Variants in NR3C2 observed in about 807,000 individuals in gnomAD.
NR3C2 encodes the protein nuclear receptor subfamily 3 group C member 2.
In NR3C2, 15 loss-of-function variants were observed where a neutral mutation model predicts 86.4. The observed-to-expected ratio is 0.17, with a 90% CI of 0.12 to 0.27. NR3C2 has a LOEUF of 0.27. Ranked by LOEUF, NR3C2 falls within the 10% of genes least tolerant of loss-of-function variation. The pLI is 1.00. For synonymous variants in NR3C2, 458 were observed against 450.5 expected, an observed-to-expected ratio of 1.02 and a Z score of -0.21; for missense variants, 960 against 1,195.6, an observed-to-expected ratio of 0.80 and a Z score of 2.91.
intron 2 of NR3C2, among the ~76,000 whole-genome samples, chr4:148,301,974 T>C (rs1009131495): frequency 1.3e-5 from 2 of 152,242 alleles, no homozygotes; most frequent in Non-Finnish European, 2.9e-5. Flanking sequence ...TGTCTGAGTA[T>C]ATGCTATCAA....
At chr4:148,129,376 T>A (rs1474056099) in intron 6 of NR3C2, among the ~76,000 whole-genome samples, 1 of 152,168 alleles carries the variant, frequency 6.6e-6, no homozygotes. Context: ...TAGGTGGGAA[T>A]GCAGAATTAG....
upstream of NR3C2, chr4:148,442,797 AC>A (rs1262298828): frequency 1.0e-6 from 1 of 985,040 alleles, no homozygotes; most frequent in Non-Finnish European, 1.2e-6. Context: ...CGCTGCCCCC[AC>A]CCCCATCGCT....
chr4:148,127,208 C>A (rs931205667), intron 6 of NR3C2, among the ~76,000 whole-genome samples: 1 of 152,144 alleles, frequency 6.6e-6, no homozygotes, highest in Non-Finnish European at 1.5e-5. Flanking sequence ...TATATCACAT[C>A]ATTTTTGCAC....
intron 8 of NR3C2, among the ~76,000 whole-genome samples, chr4:148,081,812 A>G (rs184634437): frequency 9.8e-5 from 15 of 152,332 alleles, no homozygotes; most frequent in African/African-American, 3.1e-4. Flanking sequence ...CACTCATCAA[A>G]TTCTAATTTC....
chr4:148,315,348 C>G (rs1743115800), intron 2 of NR3C2, among the ~76,000 whole-genome samples: 1 of 152,136 alleles, frequency 6.6e-6, no homozygotes, highest in South Asian at 2.1e-4. Flanking sequence ...CTCCAAGGTA[C>G]TATGTTAAGT....
chr4:148,191,889 T>TC (rs1457168165), intron 4 of NR3C2, among the ~76,000 whole-genome samples: 2 of 152,202 alleles, frequency 1.3e-5, no homozygotes, highest in African/African-American at 4.8e-5. Flanking sequence ...TCCCTTCACT[T>TC]CTTTTATCAT....
At chr4:148,366,603 A>T (rs1237983532) in intron 2 of NR3C2, among the ~76,000 whole-genome samples, 1 of 145,052 alleles carries the variant, frequency 6.9e-6, no homozygotes. Context: ...ATAAATTCAC[A>T]CAAAATGAAA....
At position 148,154,636 on chromosome 4, in the gene NR3C2, A is replaced by G; in HGVS notation, c.2280T>C (p.Asp760=). The G allele has an allele frequency of 6.2e-7, 1 of 1,614,168 alleles. No homozygotes were observed. The highest frequency in any genetic ancestry group is 8.5e-7 in the Non-Finnish European group (1 of 1,180,032). ...VYAGYDSSKP[D]TAENLLSTLN... ...GCGTGGAGAGCAGATTTTCGGCTGT[A>G]TCTGGTTTTGAGCTGTCATAGCCTG... is the stretch of plus-strand genomic sequence containing the variant. Residue 760 remains aspartate, a synonymous_variant, in exon 5 of 9, where the codon GAT becomes GAC. Coordinates refer to ENST00000358102, the MANE Select transcript of NR3C2 (RefSeq NM_000901.5).
At chr4:148,200,318 T>C (rs1431176860) in intron 3 of NR3C2, among the ~76,000 whole-genome samples, 1 of 152,144 alleles carries the variant, frequency 6.6e-6, no homozygotes, top group Non-Finnish European at 1.5e-5. Flanking sequence ...CTTCAATCCC[T>C]CCTTGTTCAC....
intron 2 of NR3C2, among the ~76,000 whole-genome samples, chr4:148,360,169 T>C (rs1422686857): frequency 6.6e-6 from 1 of 152,238 alleles, no homozygotes; most frequent in Non-Finnish European, 1.5e-5. Context: ...ACATTGCTCA[T>C]CTGCCCCTAC....
At chr4:148,343,943 G>C (rs1744870466) in intron 2 of NR3C2, among the ~76,000 whole-genome samples, 1 of 152,074 alleles carries the variant, frequency 6.6e-6, no homozygotes, top group Admixed American at 6.6e-5. Context: ...ATTACTGTTT[G>C]TTGACTCTCG....
At chr4:148,112,586 A>G (rs949253870) in intron 8 of NR3C2, among the ~76,000 whole-genome samples, 1 of 152,192 alleles carries the variant, frequency 6.6e-6, no homozygotes, top group Admixed American at 6.5e-5. Flanking sequence ...CTTATTTCTA[A>G]GATTTTCCAC....
intron 2 of NR3C2, among the ~76,000 whole-genome samples, chr4:148,269,055 T>C (rs923341423): frequency 1.3e-5 from 2 of 152,192 alleles, no homozygotes; most frequent in Non-Finnish European, 2.9e-5. Context: ...AAGGACTCCA[T>C]GTTCTGTTTG....
upstream of NR3C2, chr4:148,444,312 T>C (rs1750490831): frequency 1.0e-6 from 1 of 985,444 alleles, no homozygotes. Context: ...GTTAGAACCG[T>C]GCAGGGGCAG....
rs1730431727 is a variant in NR3C2 at position 148,079,268 on chromosome 4, G to GTAT, written c.*2073_*2075dup. The GTAT allele has an allele frequency of 2.0e-5, 3 of 152,214 alleles. No individual in the cohort carries two copies. Among genetic ancestry groups the GTAT allele is most frequent in the African/African-American group, 4.8e-5 (2 of 41,454 alleles). 9.4% of individuals were successfully genotyped at this position (152,214 alleles called of 1,614,324 possible). On this transcript the variant is annotated 3_prime_UTR_variant, in exon 9 of 9. Coordinates refer to ENST00000358102, the MANE Select transcript of NR3C2 (RefSeq NM_000901.5). ...TATTACTGTGCACCGTAAGTTGACTGTATTTAAAGATCTGCCTATAAATTA... is the reference window on the plus strand; with the variant it reads ...TATTACTGTGCACCGTAAGTTGACTGTATTATTTAAAGATCTGCCTATAAATTA...
intron 4 of NR3C2, among the ~76,000 whole-genome samples, chr4:148,167,582 A>C (rs72653830): frequency 6.6e-6 from 1 of 152,196 alleles, no homozygotes; most frequent in Non-Finnish European, 1.5e-5. Flanking sequence ...TCGTTTGTTC[A>C]GTTTCTGAAG....
At chr4:148,302,609 T>A (rs1220941627) in intron 2 of NR3C2, among the ~76,000 whole-genome samples, 2 of 152,170 alleles carry the variant, frequency 1.3e-5, no homozygotes, top group Non-Finnish European at 2.9e-5. Context: ...TGCTTCCCTT[T>A]AAGGAATCAA....
At chr4:148,297,749 C>T (rs1382869019) in intron 2 of NR3C2, among the ~76,000 whole-genome samples, 1 of 151,966 alleles carries the variant, frequency 6.6e-6, no homozygotes, top group Admixed American at 6.6e-5. Flanking sequence ...GAAGAAAAAC[C>T]TTCATTTTGC....
intron 2 of NR3C2, among the ~76,000 whole-genome samples, chr4:148,308,206 C>T (rs1742731219): frequency 6.6e-6 from 1 of 152,080 alleles, no homozygotes; most frequent in Admixed American, 6.5e-5. Flanking sequence ...GGTGAGCAGC[C>T]AGTCCTTTTT....
Sources: allele counts gnomAD v4.1 joint callset (sites outside exome capture counted in the v4.1 genomes callset), GRCh38; gene constraint gnomAD v4.1.1; transcripts MANE v1.5; gene names NCBI Gene and HGNC (gene_info 2026-07-23, HGNC 2026-07-21).